The following VMP1 variants were observed in gnomAD, a reference collection of about 807,000 sequenced individuals.
VMP1 encodes the protein ectopic P-granules autophagy protein 3 homolog.
A neutral mutation model predicts 56.0 loss-of-function variants in VMP1; 11 were observed. The ratio of observed to expected loss-of-function variants is 0.20; its 90% CI spans 0.12 to 0.32. VMP1 has a LOEUF of 0.32. Among genes scored for constraint, VMP1 ranks in the 10% least tolerant of loss-of-function variants. The probability of loss-of-function intolerance (pLI) is 1.00; values close to 1 mark genes in which losing one functional copy is unlikely to be tolerated. For missense variants in VMP1, 296 were observed against 490.3 expected (o/e 0.60, Z 3.74); for synonymous variants, 149 against 165.0 (o/e 0.90, Z 0.74).
At chr17:59,758,234 A>G (rs1388222451) in intron 5 of VMP1, among the ~76,000 whole-genome samples, 3 of 152,170 alleles carry the variant, frequency 2.0e-5, no homozygotes, top group Admixed American at 1.3e-4. Context: ...TTTATAGCAC[A>G]GCAGATGGTC....
At chr17:59,778,208 T>G (rs2036693046) in intron 7 of VMP1, among the ~76,000 whole-genome samples, 1 of 152,170 alleles carries the variant, frequency 6.6e-6, no homozygotes, top group African/African-American at 2.4e-5. Context: ...GAGGCTTTCC[T>G]CAAAGCCTGA....
intron 6 of VMP1, among the ~76,000 whole-genome samples, chr17:59,772,358 A>G (rs2036458279): frequency 6.6e-6 from 1 of 152,164 alleles, no homozygotes; most frequent in South Asian, 2.1e-4. Context: ...GGTTCCACCC[A>G]TTGTGAATAC....
At position 59,840,106 on chromosome 17, in the gene VMP1, G is replaced by T; in HGVS notation, c.*195G>T. 1 of 591,040 alleles carries T rather than the reference G, an allele frequency of 1.7e-6. No homozygotes were observed. The highest frequency in any genetic ancestry group is 2.8e-6 in the Non-Finnish European group (1 of 356,800). 36.6% of individuals were successfully genotyped at this position (591,040 alleles called of 1,614,324 possible). A position where few individuals can be genotyped will look rare whatever the true frequency, so the allele number is the denominator to read the frequency against. ...GTGCTAAGGTAAGGTATCCACCCTC[G>T]ATGCAATCCACCTTGTGTTTTCTTA... On this transcript the variant is annotated 3_prime_UTR_variant, in exon 12 of 12. Coordinates refer to ENST00000262291, the MANE Select transcript of VMP1 (RefSeq NM_030938.5).
intron 1 of VMP1, among the ~76,000 whole-genome samples, chr17:59,721,783 A>G (rs1022100819): frequency 6.6e-6 from 1 of 152,210 alleles, no homozygotes; most frequent in African/African-American, 2.4e-5. Flanking sequence ...ATTTATACTA[A>G]TCAACATTGT....
At chr17:59,715,800 A>G (rs2034128782) in intron 1 of VMP1, among the ~76,000 whole-genome samples, 1 of 152,202 alleles carries the variant, frequency 6.6e-6, no homozygotes. Flanking sequence ...TATTCCAAGT[A>G]TGTAATAGTC....
chr17:59,772,950 CTTTTT>C (rs1179269248), intron 6 of VMP1, among the ~76,000 whole-genome samples: 8 of 55,714 alleles, frequency 1.4e-4, no homozygotes, highest in African/African-American at 3.1e-4. Context: ...CTGGTGAATT[CTTTTT>C]TTTTTTTTTT....
intron 4 of VMP1, 75 bp downstream of exon 4, chr17:59,737,618 A>G: frequency 3.0e-6 from 4 of 1,324,728 alleles, no homozygotes; most frequent in Non-Finnish European, 2.1e-6. Context: ...AATGGGATGA[A>G]TGTGGGTTTT....
intron 5 of VMP1, among the ~76,000 whole-genome samples, chr17:59,742,061 G>A (rs933893506): frequency 2.0e-5 from 3 of 152,188 alleles, no homozygotes; most frequent in South Asian, 4.1e-4. Context: ...GTGAAAGTAT[G>A]TGAAAAGAGA....
intron 5 of VMP1, among the ~76,000 whole-genome samples, chr17:59,747,753 G>A (rs1278841015): frequency 6.6e-6 from 1 of 151,640 alleles, no homozygotes; most frequent in Non-Finnish European, 1.5e-5. Context: ...TAATTAGCTG[G>A]GTGTGGGGGT....
At chr17:59,774,108 A>G (rs1398472377) in intron 7 of VMP1, among the ~76,000 whole-genome samples, 1 of 152,194 alleles carries the variant, frequency 6.6e-6, no homozygotes, top group Non-Finnish European at 1.5e-5. Context: ...TTAATACACT[A>G]AAACACCTTG....
intron 10 of VMP1, among the ~76,000 whole-genome samples, chr17:59,829,386 C>G (rs2038743119): frequency 6.6e-6 from 1 of 152,132 alleles, no homozygotes; most frequent in Non-Finnish European, 1.5e-5. Context: ...TCCGAGCAGT[C>G]TACCTTACTA....
At chr17:59,750,092 A>G (rs929569333) in intron 5 of VMP1, among the ~76,000 whole-genome samples, 1 of 152,216 alleles carries the variant, frequency 6.6e-6, no homozygotes, top group African/African-American at 2.4e-5. Context: ...TGTTCCTAAC[A>G]TCTGAGTCTT....
In VMP1 at chr17:59,731,474, C is replaced by T. The variant is rs1456990357; in HGVS notation, c.28C>T (p.Gln10Ter). The change falls in exon 2 of 12, where the codon CAG (glutamine) becomes TAG (stop). Residue 10 changes from glutamine to a stop codon, truncating the protein, a stop_gained. Transcript: ENST00000262291. LOFTEE classifies it high-confidence loss of function. The stretch of plus-strand genomic sequence containing the variant: ...GGCAGAGAATGGAAAAAATTGTGAC[C>T]AGAGACGTGTAGCAATGAACAAGGA... Reference protein sequence around the residue: MAENGKNCDQRRVAMNKEHH... With the variant: MAENGKNCD The T allele has an allele frequency of 6.3e-7, 1 of 1,592,988 alleles. No individual in the cohort carries two copies. The highest frequency in any genetic ancestry group is 8.5e-7 in the Non-Finnish European group (1 of 1,172,874).
chr17:59,799,931 G>T (rs1471204945), intron 7 of VMP1, among the ~76,000 whole-genome samples: 2 of 128,890 alleles, frequency 1.6e-5, no homozygotes, highest in African/African-American at 6.1e-5. Context: ...GGGGATAAGA[G>T]TGAGACTTCC....
intron 10 of VMP1, among the ~76,000 whole-genome samples, chr17:59,821,116 G>A (rs962214406): frequency 2.0e-5 from 3 of 151,472 alleles, no homozygotes; most frequent in South Asian, 2.1e-4. Context: ...GACTACAGGC[G>A]CCCGCCTCCA....
chr17:59,820,718 A>AT (rs1330289382), intron 10 of VMP1, among the ~76,000 whole-genome samples: 1 of 152,134 alleles, frequency 6.6e-6, no homozygotes, highest in Non-Finnish European at 1.5e-5. Flanking sequence ...GATTGTGTCT[A>AT]TTTTTGTTTA....
At chr17:59,758,448 A>G (rs1293792684) in intron 5 of VMP1, among the ~76,000 whole-genome samples, 1 of 152,138 alleles carries the variant, frequency 6.6e-6, no homozygotes, top group East Asian at 1.9e-4. Context: ...GTACTTTGGG[A>G]GGCCAAGGCA....
intron 9 of VMP1, 130 bp downstream of exon 9, chr17:59,811,916 A>G: frequency 1.6e-6 from 1 of 636,144 alleles, no homozygotes; most frequent in East Asian, 2.8e-5. Context: ...CTTAGGTAAT[A>G]CCACATAGAA....
At chr17:59,766,430 G>A (rs1360240844) in intron 6 of VMP1, among the ~76,000 whole-genome samples, 1 of 152,150 alleles carries the variant, frequency 6.6e-6, no homozygotes, top group African/African-American at 2.4e-5. Context: ...CTTGAACCCA[G>A]GAAGTAGGGG....
Sources: gnomAD v4.1 joint callset for allele counts (sites outside exome capture counted in the v4.1 genomes callset) on GRCh38, gnomAD v4.1.1 for gene constraint, MANE v1.5 for transcripts, NCBI Gene and HGNC (gene_info 2026-07-23, HGNC 2026-07-21) for gene names.